Variants in CACNA2D2 observed in about 807,000 individuals in gnomAD.
The protein encoded by CACNA2D2 is calcium voltage-gated channel auxiliary subunit alpha2delta 2.
A neutral mutation model predicts 166.4 loss-of-function variants in CACNA2D2; 48 were observed. The observed-to-expected ratio is 0.29, with a 90% CI of 0.23 to 0.37. The LOEUF (loss-of-function observed/expected upper bound fraction) is 0.37. CACNA2D2 is among the 10% of genes least tolerant of loss of function. The probability of loss-of-function intolerance (pLI) is 1.00; values close to 1 mark genes in which losing one functional copy is unlikely to be tolerated. For synonymous variants in CACNA2D2, 561 were observed against 573.7 expected (o/e 0.98, Z 0.32); for missense variants, 1,122 against 1,433.0 (o/e 0.78, Z 3.50).
At chr3:50,456,314 G>A (rs1294159686) in intron 2 of CACNA2D2, among the ~76,000 whole-genome samples, 1 of 152,208 alleles carries the variant, frequency 6.6e-6, no homozygotes, top group Admixed American at 6.5e-5. Context: ...AAGAGGCAAG[G>A]GCTGGTAGAG....
intron 3 of CACNA2D2, among the ~76,000 whole-genome samples, chr3:50,418,192 C>A (rs1707356900): frequency 6.6e-6 from 1 of 152,116 alleles, no homozygotes; most frequent in African/African-American, 2.4e-5. Flanking sequence ...CAGAAGAGGG[C>A]ACTGCCTGGG....
At chr3:50,468,151 TC>T (rs1053627907) in intron 2 of CACNA2D2, among the ~76,000 whole-genome samples, 5 of 152,124 alleles carry the variant, frequency 3.3e-5, no homozygotes, top group African/African-American at 1.2e-4. Context: ...CAGCCCTCTG[TC>T]CCCAAGCCCC....
intron 5 of CACNA2D2, among the ~76,000 whole-genome samples, chr3:50,385,981 C>G (rs1559898218): frequency 6.6e-6 from 1 of 152,154 alleles, no homozygotes; most frequent in African/African-American, 2.4e-5. Context: ...CCACCCCCAC[C>G]TTCTGGCTGG....
chr3:50,468,764 C>A (rs1709941521), intron 2 of CACNA2D2, among the ~76,000 whole-genome samples: 2 of 151,902 alleles, frequency 1.3e-5, no homozygotes, highest in South Asian at 4.2e-4. Flanking sequence ...ACGCCAACAT[C>A]TAGGCACAGG....
chr3:50,440,620 G>A (rs539969931), intron 2 of CACNA2D2, among the ~76,000 whole-genome samples: 1 of 152,364 alleles, frequency 6.6e-6, no homozygotes, highest in South Asian at 2.1e-4. Context: ...GGGCTACAGT[G>A]GAGGTCACAC....
At chr3:50,421,945 G>C (rs187277602) in intron 3 of CACNA2D2, among the ~76,000 whole-genome samples, 2 of 152,150 alleles carry the variant, frequency 1.3e-5, no homozygotes, top group Non-Finnish European at 1.5e-5. Flanking sequence ...GAAGGAATAC[G>C]AGAGGCAGGC....
intron 1 of CACNA2D2, among the ~76,000 whole-genome samples, chr3:50,478,163 T>C (rs962910293): frequency 6.6e-6 from 1 of 152,112 alleles, no homozygotes; most frequent in African/African-American, 2.4e-5. Context: ...AATCTAACCC[T>C]GAGTGCGGGT....
rs537194443 is a variant in CACNA2D2, at chr3:50,496,429, C to T, written c.206+6789G>A. 1.5e-4 allele frequency among the ~76,000 whole-genome samples: 23 copies of T among 152,306 alleles called. 1 individual carries two copies. In the South Asian group the frequency reaches 3.5e-3, roughly 23 times the overall value. On this transcript the variant is annotated intron_variant, in intron 1 of 37. Coordinates refer to ENST00000424201, the MANE Select transcript of CACNA2D2 (RefSeq NM_006030.4). The stretch of plus-strand genomic sequence containing the variant: ...ATACATGAACACACAGGTGTAGACA[C>T]GCCCACATACAAGCTGACATGTGCA...
intron 2 of CACNA2D2, among the ~76,000 whole-genome samples, chr3:50,450,713 T>C (rs1709056179): frequency 6.6e-6 from 1 of 152,122 alleles, no homozygotes; most frequent in Admixed American, 6.5e-5. Context: ...TGATCGTTTG[T>C]AAAAGGCAGG....
chr3:50,444,441 A>G (rs1410957478), intron 2 of CACNA2D2, among the ~76,000 whole-genome samples: 3 of 152,214 alleles, frequency 2.0e-5, no homozygotes, highest in Admixed American at 6.5e-5. Flanking sequence ...CACAGTCTGC[A>G]CAGCCCTGAG....
At chr3:50,368,336 C>T (rs749430123) in intron 23 of CACNA2D2, 101 bp from the exon 24 acceptor site, 2 of 769,016 alleles carry the variant, frequency 2.6e-6, no homozygotes, top group East Asian at 2.5e-5. Flanking sequence ...ACTGAGAAGC[C>T]TGGGCCTCAG....
intron 3 of CACNA2D2, among the ~76,000 whole-genome samples, chr3:50,413,443 A>G (rs945175158): frequency 6.6e-6 from 1 of 152,142 alleles, no homozygotes; most frequent in African/African-American, 2.4e-5. Context: ...GAATTGGGCC[A>G]TGGCTGTGTG....
chr3:50,363,279 G>A lies in CACNA2D2; in HGVS notation c.*1387C>T, dbSNP rs924066416. 2.5e-6 allele frequency: 1 copy of A among 398,712 alleles called. No homozygotes were observed. Among genetic ancestry groups the A allele is most frequent in the Non-Finnish European group, 4.4e-6 (1 of 226,082 alleles). The allele number at this position is 398,712 out of a possible 1,614,324, so 24.7% of individuals were successfully genotyped here. On this transcript the variant is annotated 3_prime_UTR_variant, in exon 38 of 38. Transcript: ENST00000424201. ...TGGACCACACACACACACTGAGAAA[G>A]CGACAAGCAACATGACATTAATTAA... is the stretch of plus-strand genomic sequence containing the variant.
At chr3:50,486,050 A>T (rs1698266073) in intron 1 of CACNA2D2, among the ~76,000 whole-genome samples, 1 of 150,006 alleles carries the variant, frequency 6.7e-6, no homozygotes, top group African/African-American at 2.4e-5. Context: ...GTCAGGCACG[A>T]TGGGAACAGA....
chr3:50,496,916 C>A (rs1466919688), intron 1 of CACNA2D2, among the ~76,000 whole-genome samples: 1 of 152,214 alleles, frequency 6.6e-6, no homozygotes, highest in Non-Finnish European at 1.5e-5. Context: ...AAAAGACAGG[C>A]AGAAGGAGTG....
intron 2 of CACNA2D2, among the ~76,000 whole-genome samples, chr3:50,451,685 C>A (rs1360658855): frequency 6.6e-6 from 1 of 152,166 alleles, no homozygotes; most frequent in Non-Finnish European, 1.5e-5. Context: ...AACCTGGCTG[C>A]CAGGGGCCTG....
intron 2 of CACNA2D2, among the ~76,000 whole-genome samples, chr3:50,469,682 G>C (rs1709982771): frequency 6.6e-6 from 1 of 152,174 alleles, no homozygotes; most frequent in Non-Finnish European, 1.5e-5. Flanking sequence ...TCAAGGCTCA[G>C]AGAGGCAGGA....
intron 3 of CACNA2D2, among the ~76,000 whole-genome samples, chr3:50,411,272 G>C (rs1310485508): frequency 2.0e-5 from 3 of 152,164 alleles, no homozygotes; most frequent in Admixed American, 2.0e-4. Flanking sequence ...TTTGTTTTGT[G>C]TTATCTCAAC....
At chr3:50,450,679 A>G (rs1709054164) in intron 2 of CACNA2D2, among the ~76,000 whole-genome samples, 1 of 152,188 alleles carries the variant, frequency 6.6e-6, no homozygotes, top group Non-Finnish European at 1.5e-5. Context: ...AGAGTGAAAG[A>G]GGCTGTTGGA....
Sources: allele counts gnomAD v4.1 joint callset (sites outside exome capture counted in the v4.1 genomes callset), GRCh38; gene constraint gnomAD v4.1.1; transcripts MANE v1.5; gene names NCBI Gene and HGNC (gene_info 2026-07-23, HGNC 2026-07-21).